The following PTPRT variants were observed in gnomAD, a reference collection of about 807,000 sequenced individuals.
PTPRT encodes the protein protein tyrosine phosphatase receptor type T.
A neutral mutation model predicts 176.8 loss-of-function variants in PTPRT; 56 were observed. The ratio of observed to expected loss-of-function variants is 0.32; its 90% CI spans 0.26 to 0.40. The LOEUF (loss-of-function observed/expected upper bound fraction) is 0.40. Ranked by LOEUF, PTPRT falls within the 10% of genes least tolerant of loss-of-function variation. The pLI is 1.00. For synonymous variants in PTPRT, 783 were observed against 739.0 expected, an observed-to-expected ratio of 1.06 and a Z score of -0.96; for missense variants, 1,540 against 1,908.2, an observed-to-expected ratio of 0.81 and a Z score of 3.60.
At chr20:42,362,942 A>G (rs1009579457) in intron 9 of PTPRT, among the ~76,000 whole-genome samples, 3 of 151,566 alleles carry the variant, frequency 2.0e-5, no homozygotes, top group Non-Finnish European at 4.4e-5. Context: ...CCCGTCTCCA[A>G]TAAAAATACA....
intron 6 of PTPRT, among the ~76,000 whole-genome samples, chr20:42,709,090 C>T (rs1045291381): frequency 6.6e-6 from 1 of 152,192 alleles, no homozygotes; most frequent in Non-Finnish European, 1.5e-5. Context: ...AAGCTTGTAG[C>T]TTGCTTTGGT....
chr20:42,154,048 A>C (rs1260946435), intron 17 of PTPRT, among the ~76,000 whole-genome samples: 1 of 152,138 alleles, frequency 6.6e-6, no homozygotes, highest in Non-Finnish European at 1.5e-5. Flanking sequence ...TGAAACGAGC[A>C]GGTGGAGCCC....
intron 2 of PTPRT, among the ~76,000 whole-genome samples, chr20:42,834,101 A>T (rs889733781): frequency 1.3e-5 from 2 of 152,204 alleles, no homozygotes; most frequent in African/African-American, 4.8e-5. Flanking sequence ...AAAAAAAATT[A>T]AAAATCCCAG....
chr20:42,971,748 T>C (rs1176273569), intron 1 of PTPRT, among the ~76,000 whole-genome samples: 1 of 152,202 alleles, frequency 6.6e-6, no homozygotes, highest in Non-Finnish European at 1.5e-5. Context: ...CAAGGTGACT[T>C]AGACCCGAGG....
intron 7 of PTPRT, among the ~76,000 whole-genome samples, chr20:42,646,947 T>C (rs2074918815): frequency 7.1e-6 from 1 of 139,994 alleles, no homozygotes; most frequent in Non-Finnish European, 1.5e-5. Context: ...CAGGCTGCAG[T>C]GCAGTGGCGT....
intron 1 of PTPRT, among the ~76,000 whole-genome samples, chr20:43,063,898 C>CA (rs1208189246): frequency 6.6e-6 from 1 of 152,112 alleles, no homozygotes; most frequent in Non-Finnish European, 1.5e-5. Flanking sequence ...TCAGAGGTCT[C>CA]AGAGAGTAAA....
At chr20:42,265,583 C>T (rs1002956205) in intron 13 of PTPRT, among the ~76,000 whole-genome samples, 1 of 152,182 alleles carries the variant, frequency 6.6e-6, no homozygotes, top group African/African-American at 2.4e-5. Context: ...CCTGCCTCTG[C>T]TGCCTGTCTT....
At chr20:43,015,402 G>A (rs1440604277) in intron 1 of PTPRT, among the ~76,000 whole-genome samples, 1 of 152,214 alleles carries the variant, frequency 6.6e-6, no homozygotes, top group African/African-American at 2.4e-5. Context: ...TTTCTTTGGA[G>A]CAATAATAAA....
At chr20:42,132,011 G>A (rs1185717934) in intron 18 of PTPRT, among the ~76,000 whole-genome samples, 1 of 152,164 alleles carries the variant, frequency 6.6e-6, no homozygotes, top group Non-Finnish European at 1.5e-5. Context: ...AGGCAGCAGC[G>A]GGGGTTTCAT....
At chr20:42,518,542 A>G (rs577703066) in intron 7 of PTPRT, among the ~76,000 whole-genome samples, 5 of 152,210 alleles carry the variant, frequency 3.3e-5, no homozygotes, top group Non-Finnish European at 5.9e-5. Context: ...AAATTTTTAA[A>G]TGCATTAGAA....
At chr20:42,450,795 G>C (rs1332426171) in intron 8 of PTPRT, among the ~76,000 whole-genome samples, 2 of 152,166 alleles carry the variant, frequency 1.3e-5, no homozygotes, top group African/African-American at 4.8e-5. Flanking sequence ...ATAACAAAGA[G>C]AGATGTAGTC....
chr20:42,668,790 C>CA (rs2075362786), intron 7 of PTPRT, among the ~76,000 whole-genome samples: 1 of 150,836 alleles, frequency 6.6e-6, no homozygotes, highest in South Asian at 2.1e-4. Context: ...CTCCTGGGTT[C>CA]ACGCCATTCT....
intron 1 of PTPRT, among the ~76,000 whole-genome samples, chr20:42,903,271 CAAGTT>C (rs769491847): frequency 7.9e-5 from 12 of 152,306 alleles, no homozygotes; most frequent in Non-Finnish European, 1.6e-4. Context: ...GAAAATCCAG[CAAGTT>C]AAGAATCCAA....
intron 1 of PTPRT, among the ~76,000 whole-genome samples, chr20:42,952,678 T>C (rs1310710226): frequency 2.0e-5 from 3 of 152,196 alleles, no homozygotes; most frequent in Admixed American, 2.0e-4. Context: ...GTCGACTTCA[T>C]CACTGCCAAG....
At chr20:42,721,628 G>A (rs927796905) in intron 6 of PTPRT, among the ~76,000 whole-genome samples, 1 of 152,182 alleles carries the variant, frequency 6.6e-6, no homozygotes, top group Non-Finnish European at 1.5e-5. Context: ...GGTGTGAATG[G>A]ACTGTGGGAC....
chr20:42,816,916 C>T (rs149485085), intron 2 of PTPRT, among the ~76,000 whole-genome samples: 5 of 152,180 alleles, frequency 3.3e-5, no homozygotes, highest in East Asian at 1.9e-4. Context: ...GCCATGAAAG[C>T]GTAAAAACAA....
chr20:42,949,546 T>C (rs1981098967), intron 1 of PTPRT, among the ~76,000 whole-genome samples: 1 of 152,182 alleles, frequency 6.6e-6, no homozygotes, highest in Admixed American at 6.5e-5. Context: ...AGGTTCCAGT[T>C]ATATGGATTC....
At chr20:42,410,240 A>G (rs1269849261) in intron 9 of PTPRT, among the ~76,000 whole-genome samples, 1 of 152,162 alleles carries the variant, frequency 6.6e-6, no homozygotes, top group East Asian at 1.9e-4. Flanking sequence ...AAGAAAAGTA[A>G]CAAAGGAGTA....
intron 20 of PTPRT, among the ~76,000 whole-genome samples, 189 bp downstream of exon 20, chr20:42,119,746 C>A (rs1987485435): frequency 6.6e-6 from 1 of 152,220 alleles, no homozygotes. Flanking sequence ...TCTGGAGAGT[C>A]TTCAGCCTAC....
Sources: allele counts gnomAD v4.1 joint callset (sites outside exome capture counted in the v4.1 genomes callset), GRCh38; gene constraint gnomAD v4.1.1; transcripts MANE v1.5; gene names NCBI Gene and HGNC (gene_info 2026-07-23, HGNC 2026-07-21).